FOXN3: variants seen among roughly 807,000 people sequenced by gnomAD.
FOXN3 encodes forkhead box protein N3.
FOXN3 carries 7 observed loss-of-function variants against 38.4 expected under a neutral mutation model. That is an observed-to-expected ratio of 0.18 (90% CI 0.10 to 0.34). The LOEUF (loss-of-function observed/expected upper bound fraction) is 0.34, where lower values mean the gene tolerates loss of function less well. FOXN3 is among the 10% of genes least tolerant of loss of function. FOXN3 has a pLI of 1.00. For missense variants in FOXN3, 456 were observed against 613.4 expected (o/e 0.74, Z 2.71); for synonymous variants, 230 against 242.2 (o/e 0.95, Z 0.47).
At position 89,484,903 on chromosome 14, in the gene FOXN3, G is replaced by A. The variant is rs895135868; in HGVS notation, c.-14-72413C>T. On this transcript the variant is annotated intron_variant, in intron 1 of 6. Coordinates refer to the FOXN3 transcript ENST00000345097. The surrounding 1 kb of genome is among the most constrained non-coding windows in gnomAD (Gnocchi z 4.0). ...CTGTAATCCTAGCACTTTGGAGAAC[G>A]TGCCTTGGGAGGCCAAGGCAGGAGG... 4.6e-5 allele frequency among the ~76,000 whole-genome samples: 7 copies of A among 152,122 alleles called. No individual in the cohort carries two copies. The highest frequency in any genetic ancestry group is 1.2e-4 in the African/African-American group (5 of 41,414).
upstream of FOXN3, among the ~76,000 whole-genome samples, chr14:89,420,471 C>G (rs867282743): frequency 6.6e-6 from 1 of 152,152 alleles, no homozygotes; most frequent in South Asian, 2.1e-4. Context: ...CCTGGGGATG[C>G]CCATCAGAAC....
intron 2 of FOXN3, among the ~76,000 whole-genome samples, chr14:89,351,643 A>T (rs1338222281): frequency 6.6e-6 from 1 of 152,240 alleles, no homozygotes; most frequent in African/African-American, 2.4e-5. Context: ...GCCGACGGGC[A>T]ATCGTTCCTC....
intron 2 of FOXN3, among the ~76,000 whole-genome samples, chr14:89,379,727 C>A (rs139696615): frequency 0.015 from 2,335 of 152,282 alleles, 74 homozygotes; most frequent in African/African-American, 0.054. Flanking sequence ...CAGCTCACTG[C>A]AACCTCCGCC....
intron 3 of FOXN3, among the ~76,000 whole-genome samples, chr14:89,283,350 C>A (rs1205421878): frequency 6.6e-6 from 1 of 152,150 alleles, no homozygotes; most frequent in Non-Finnish European, 1.5e-5. Flanking sequence ...TCTAATGAGA[C>A]CAGCAATGCC....
intron 4 of FOXN3, among the ~76,000 whole-genome samples, chr14:89,204,810 CCATCCATCCATCCATCCATGCATTCATG>C (rs1888335589): frequency 1.3e-5 from 2 of 151,780 alleles, no homozygotes; most frequent in Admixed American, 6.6e-5. Context: ...ATCCATCCAT[CCATCCATCCATCCATCCATGCATTCATG>C]CATCCATCCA....
chr14:89,523,929 A>T (rs966263885), intron 1 of FOXN3, among the ~76,000 whole-genome samples: 20 of 151,668 alleles, frequency 1.3e-4, no homozygotes, highest in Admixed American at 8.5e-4. Flanking sequence ...TGCCCAGCTA[A>T]TTTTTGTATT....
chr14:89,336,137 T>TACAC (rs34950734), intron 3 of FOXN3, among the ~76,000 whole-genome samples: 14,079 of 139,978 alleles, frequency 0.1, 689 homozygotes, highest in Middle Eastern at 0.13. Context: ...AAGTGATCCT[T>TACAC]ACACACACAC....
At chr14:89,352,778 G>C (rs145634938) in intron 2 of FOXN3, among the ~76,000 whole-genome samples, 1 of 152,150 alleles carries the variant, frequency 6.6e-6, no homozygotes, top group Non-Finnish European at 1.5e-5. Flanking sequence ...AAGGACAACC[G>C]GTTGGCCTTC....
chr14:89,237,510 G>T (rs1057352019), intron 4 of FOXN3, among the ~76,000 whole-genome samples: 2 of 139,516 alleles, frequency 1.4e-5, no homozygotes, highest in Admixed American at 7.6e-5. Context: ...TGATAGAAAT[G>T]TTCTGTATCT....
intron 3 of FOXN3, among the ~76,000 whole-genome samples, chr14:89,288,108 T>G (rs1199094073): frequency 1.3e-5 from 2 of 151,672 alleles, no homozygotes; most frequent in Admixed American, 6.6e-5. Flanking sequence ...CCTGCAAAGA[T>G]CCAAAATGGG....
chr14:89,392,781 C>A (rs1438213541), intron 2 of FOXN3, among the ~76,000 whole-genome samples: 1 of 136,832 alleles, frequency 7.3e-6, no homozygotes, highest in East Asian at 2.0e-4. Context: ...GCTGGGATTA[C>A]AGGTACAGAC....
At chr14:89,373,092 A>C (rs1179364763) in intron 2 of FOXN3, among the ~76,000 whole-genome samples, 1 of 152,152 alleles carries the variant, frequency 6.6e-6, no homozygotes, top group East Asian at 1.9e-4. Flanking sequence ...CTCAAGCCCA[A>C]GAATTCGAGG....
At position 89,484,222 on chromosome 14, in the gene FOXN3, A is replaced by G. The variant is rs1314339918; in HGVS notation, c.-14-71732T>C. On this transcript the variant is annotated intron_variant, in intron 1 of 6. Transcript: ENST00000345097. The surrounding 1 kb of genome is among the most constrained non-coding windows in gnomAD (Gnocchi z 4.0). ...ACTCATCCTTTCAACCTATTTTCTT[A>G]ATGGGGAGAAAGCTCCACACATCAA... is the stretch of plus-strand genomic sequence containing the variant. Among the ~76,000 whole-genome samples the G allele has an allele frequency of 1.3e-5, 2 of 152,196 alleles. No individual in the cohort carries two copies. The highest frequency in any genetic ancestry group is 4.8e-5 in the African/African-American group (2 of 41,432).
chr14:89,575,063 G>A (rs775287623), intron 1 of FOXN3, among the ~76,000 whole-genome samples: 6 of 152,184 alleles, frequency 3.9e-5, no homozygotes, highest in Non-Finnish European at 7.3e-5. Flanking sequence ...AAGCCAAAGT[G>A]AGGTGTTGAG....
In FOXN3 at chr14:89,157,475, G is replaced by C. The variant is rs553936618; in HGVS notation, c.*4939C>G. ...CGCCGGTGCTCTCTCAAAGGAAGAGGGGTTAACAGATGAATTCACAAAGGT... is the reference window on the plus strand; with the variant it reads ...CGCCGGTGCTCTCTCAAAGGAAGAGCGGTTAACAGATGAATTCACAAAGGT... On this transcript the variant is annotated 3_prime_UTR_variant, in exon 6 of 6. Coordinates refer to ENST00000557258, the MANE Select transcript of FOXN3 (RefSeq NM_005197.4). 9 of 152,678 alleles carry C rather than the reference G, an allele frequency of 5.9e-5. No homozygotes were observed. Among genetic ancestry groups the C allele is most frequent in the Admixed American group, 3.3e-4 (5 of 15,302 alleles). 9.5% of individuals were successfully genotyped at this position (152,678 alleles called of 1,614,324 possible).
chr14:89,537,445 A>C (rs1246620133), intron 1 of FOXN3, among the ~76,000 whole-genome samples: 1 of 55,778 alleles, frequency 1.8e-5, no homozygotes, highest in Non-Finnish European at 3.7e-5. Flanking sequence ...GAAATGTTGG[A>C]TGGATGGATG....
At chr14:89,463,621 C>T (rs1892902756) in intron 1 of FOXN3, among the ~76,000 whole-genome samples, 1 of 152,140 alleles carries the variant, frequency 6.6e-6, no homozygotes, top group Non-Finnish European at 1.5e-5. Context: ...GCCTCCATTC[C>T]ACAAAAGCAT....
At chr14:89,418,424 C>A (rs76946989), upstream of FOXN3, among the ~76,000 whole-genome samples, 3 of 114,456 alleles carry the variant, frequency 2.6e-5, no homozygotes, top group Non-Finnish European at 5.4e-5. Flanking sequence ...CCCCCCCCCC[C>A]AATCTGAGAG....
intron 3 of FOXN3, among the ~76,000 whole-genome samples, chr14:89,309,798 A>G (rs1887478261): frequency 6.6e-6 from 1 of 152,184 alleles, no homozygotes; most frequent in South Asian, 2.1e-4. Flanking sequence ...TAGTAATGAA[A>G]ACCCAATTAA....
Sources: allele counts gnomAD v4.1 joint callset (sites outside exome capture counted in the v4.1 genomes callset), GRCh38; gene constraint gnomAD v4.1.1; non-coding constraint Gnocchi (gnomAD v3.1); transcripts MANE v1.5; gene names NCBI Gene and HGNC (gene_info 2026-07-23, HGNC 2026-07-21).